The following KCNK10 variants were observed in gnomAD, a reference collection of about 807,000 sequenced individuals.
The protein encoded by KCNK10 is potassium two pore domain channel subfamily K member 10.
Under a neutral mutation model 47.7 loss-of-function variants are expected in KCNK10, and 25 were observed. The ratio of observed to expected loss-of-function variants is 0.52; its 90% CI spans 0.38 to 0.73. The LOEUF (loss-of-function observed/expected upper bound fraction) is 0.73, where lower values mean the gene tolerates loss of function less well. KCNK10 is among the 30% of genes least tolerant of loss of function. The pLI, the probability that KCNK10 is intolerant of heterozygous loss-of-function variation, is 0.00. For synonymous variants in KCNK10, 303 were observed against 285.6 expected (o/e 1.06, Z -0.61); for missense variants, 563 against 714.5 (o/e 0.79, Z 2.42).
At chr14:88,285,736 G>C (rs1375104274) in intron 1 of KCNK10, among the ~76,000 whole-genome samples, 2 of 152,150 alleles carry the variant, frequency 1.3e-5, no homozygotes, top group Admixed American at 1.3e-4. Flanking sequence ...GATGTGTACT[G>C]GATCCTTTAA....
At position 88,274,835 on chromosome 14, in the gene KCNK10, A is replaced by G. The variant is rs564723235; in HGVS notation, c.53-11284T>C. Among the ~76,000 whole-genome samples the G allele has an allele frequency of 5.3e-5, 8 of 152,148 alleles. No homozygotes were observed. The South Asian group carries it at 1.7e-3, about 32-fold the overall frequency. ...TGCCAGGAGTAGTACCAATCTCCAC[A>G]CCCCACATCCAGGCTGCCAAGCCAC... is the stretch of plus-strand genomic sequence containing the variant. On this transcript the variant is annotated intron_variant, in intron 1 of 6. Transcript: ENST00000319231.
intron 4 of KCNK10, among the ~76,000 whole-genome samples, chr14:88,222,163 C>T (rs911461709): frequency 6.6e-6 from 1 of 152,110 alleles, no homozygotes; most frequent in African/African-American, 2.4e-5. Flanking sequence ...AAAGCAGAAA[C>T]CCCTGATAAG....
chr14:88,243,893 C>T (rs542904718), intron 2 of KCNK10, among the ~76,000 whole-genome samples: 8 of 151,238 alleles, frequency 5.3e-5, no homozygotes, highest in Non-Finnish European at 8.8e-5. Context: ...CTATCTGTGA[C>T]GTCAATTCCT....
chr14:88,232,401 G>C (rs942231098), intron 3 of KCNK10, among the ~76,000 whole-genome samples: 1 of 152,186 alleles, frequency 6.6e-6, no homozygotes, highest in Non-Finnish European at 1.5e-5. Flanking sequence ...AATTGCTCAG[G>C]AAGAACTGGA....
chr14:88,294,334 G>A (rs1281485552), intron 1 of KCNK10, among the ~76,000 whole-genome samples: 1 of 152,262 alleles, frequency 6.6e-6, no homozygotes, highest in African/African-American at 2.4e-5. Flanking sequence ...AGACAGAGGA[G>A]GGTCTGCAGC....
chr14:88,181,142 C>T lies in KCNK10; in HGVS notation c.*4393G>A, dbSNP rs550691489. 3 of 254,650 alleles carry T rather than the reference C, an allele frequency of 1.2e-5. No individual in the cohort carries two copies. The highest frequency in any genetic ancestry group is 2.2e-5 in the African/African-American group (1 of 45,020). 15.8% of individuals were successfully genotyped at this position (254,650 alleles called of 1,614,324 possible). On this transcript the variant is annotated 3_prime_UTR_variant, in exon 7 of 7. Transcript: ENST00000319231. ...CTACGCCTTTCCCGTGGTTCAGAAA[C>T]CCTGGTACACACTGGATGCTTCATA...
At chr14:88,190,576 C>A (rs1884711856) in intron 5 of KCNK10, among the ~76,000 whole-genome samples, 1 of 152,042 alleles carries the variant, frequency 6.6e-6, no homozygotes, top group Non-Finnish European at 1.5e-5. Context: ...GAGTCCCAGG[C>A]TACAGGCTTT....
At chr14:88,318,102 C>T (rs571686174) in intron 1 of KCNK10, among the ~76,000 whole-genome samples, 6 of 152,344 alleles carry the variant, frequency 3.9e-5, no homozygotes, top group East Asian at 1.9e-4. Flanking sequence ...AGGTTTAGAG[C>T]GAGCTGGAGC....
Position 88,184,801 on chromosome 14 carries a change from T to G in KCNK10, c.*734A>C, listed in dbSNP as rs1178970319. The G allele has an allele frequency of 1.3e-5, 2 of 152,396 alleles. No individual in the cohort carries two copies. Among genetic ancestry groups the G allele is most frequent in the Non-Finnish European group, 2.9e-5 (2 of 68,054 alleles). The allele number at this position is 152,396 out of a possible 1,614,324, so 9.4% of individuals were successfully genotyped here. A position where few individuals can be genotyped will look rare whatever the true frequency, so the allele number is the denominator to read the frequency against. On this transcript the variant is annotated 3_prime_UTR_variant, in exon 7 of 7. Transcript: ENST00000319231. ...CATGTTTTCACCACTGCTCGCCAGT[T>G]CATGTGGACTACCTACCCCTGTGAG... is the stretch of plus-strand genomic sequence containing the variant.
chr14:88,276,155 T>G (rs538119038), intron 1 of KCNK10, among the ~76,000 whole-genome samples: 18 of 151,968 alleles, frequency 1.2e-4, no homozygotes, highest in Non-Finnish European at 2.6e-4. Flanking sequence ...ATTCACACAC[T>G]GAAATCTAAC....
At chr14:88,259,704 G>A (rs1887055837) in intron 2 of KCNK10, among the ~76,000 whole-genome samples, 1 of 152,124 alleles carries the variant, frequency 6.6e-6, no homozygotes, top group African/African-American at 2.4e-5. Context: ...CAATCCATCC[G>A]CCTTGGCCCC....
At chr14:88,219,223 A>T (rs985396563) in intron 4 of KCNK10, among the ~76,000 whole-genome samples, 4 of 152,212 alleles carry the variant, frequency 2.6e-5, no homozygotes, top group Non-Finnish European at 5.9e-5. Context: ...CCAGGAGTGC[A>T]TCTTAGAGCA....
chr14:88,234,111 T>C (rs1209946073), intron 3 of KCNK10, among the ~76,000 whole-genome samples: 2 of 152,144 alleles, frequency 1.3e-5, no homozygotes, highest in African/African-American at 2.4e-5. Flanking sequence ...CGCCCTCTGG[T>C]GTTGTTCAGG....
At chr14:88,304,221 G>A (rs888958465) in intron 1 of KCNK10, among the ~76,000 whole-genome samples, 5 of 152,042 alleles carry the variant, frequency 3.3e-5, no homozygotes, top group African/African-American at 4.8e-5. Context: ...AGGCTGGGGC[G>A]GGAGGATCAC....
chr14:88,274,733 G>C (rs1223201310), intron 1 of KCNK10, among the ~76,000 whole-genome samples: 1 of 152,034 alleles, frequency 6.6e-6, no homozygotes, highest in African/African-American at 2.4e-5. Context: ...CAATGGTTCA[G>C]AATGATGAAA....
chr14:88,270,405 G>A (rs1339300485), intron 1 of KCNK10, among the ~76,000 whole-genome samples: 2 of 48,570 alleles, frequency 4.1e-5, no homozygotes, highest in East Asian at 0.014. Context: ...CTGTTTCCAT[G>A]GGACAGCCCT....
intron 1 of KCNK10, among the ~76,000 whole-genome samples, chr14:88,317,047 AAAAAGGATGGTG>A (rs1323717968): frequency 1.3e-5 from 2 of 152,174 alleles, no homozygotes; most frequent in African/African-American, 4.8e-5. Context: ...TGGGATTAGC[AAAAAGGATGGTG>A]AAGCTCCTTA....
rs760136183 is a variant in KCNK10, at chr14:88,186,060, A to G, written c.1107T>C (p.Asp369=). The change falls in exon 7 of 7, where the codon GAT becomes GAC. Residue 369 remains aspartate, a synonymous_variant. Coordinates refer to ENST00000319231, the MANE Select transcript of KCNK10 (RefSeq NM_138317.3). The surrounding 1 kb of genome is among the most constrained non-coding windows in gnomAD (Gnocchi z 5.5). ...TRRRLSVEIH[D]KLQRAATIRS... ...GGATGGTGGCCGCCCGCTGCAGCTT[A>G]TCGTGGATCTCCACGCTGAGCCTTC... 1.2e-6 allele frequency: 2 copies of G among 1,611,534 alleles called. No individual in the cohort carries two copies. The highest frequency in any genetic ancestry group is 1.7e-5 in the Admixed American group (1 of 59,996).
At chr14:88,192,758 C>G (rs1233921186) in intron 4 of KCNK10, among the ~76,000 whole-genome samples, 1 of 152,176 alleles carries the variant, frequency 6.6e-6, no homozygotes, top group Non-Finnish European at 1.5e-5. Flanking sequence ...ATAATGGTTT[C>G]CCAAAAATGC....
Sources: gnomAD v4.1 joint callset for allele counts (sites outside exome capture counted in the v4.1 genomes callset) on GRCh38, gnomAD v4.1.1 for gene constraint, Gnocchi (gnomAD v3.1) non-coding constraint, MANE v1.5 for transcripts, NCBI Gene and HGNC (gene_info 2026-07-23, HGNC 2026-07-21) for gene names.